KIF23: variants seen among roughly 807,000 people sequenced by gnomAD.
KIF23 encodes kinesin family member 23.
A neutral mutation model predicts 137.5 loss-of-function variants in KIF23; 30 were observed. The observed-to-expected ratio is 0.22, with a 90% confidence interval of 0.16 to 0.30. KIF23 has a LOEUF of 0.30. KIF23 is among the 10% of genes least tolerant of loss of function. The probability of loss-of-function intolerance (pLI) is 1.00; values close to 1 mark genes in which losing one functional copy is unlikely to be tolerated. For synonymous variants in KIF23, 367 were observed against 391.1 expected (o/e 0.94, Z 0.73); for missense variants, 920 against 1,194.3 (o/e 0.77, Z 3.38).
chr15:69,441,347 C>T (rs1269819802), intron 19 of KIF23, among the ~76,000 whole-genome samples: 2 of 152,194 alleles, frequency 1.3e-5, no homozygotes, highest in East Asian at 3.9e-4. Context: ...TTTTCAGCTG[C>T]ATACGCTAAT....
Position 69,423,338 on chromosome 15 carries a change from TAA to T in KIF23, c.734+11_734+12del. 6.5e-7 allele frequency: 1 copy of T among 1,528,562 alleles called. No homozygotes were observed. The highest frequency in any genetic ancestry group is 1.7e-4 in the Middle Eastern group (1 of 5,754). The allele number at this position is 1,528,562 out of a possible 1,614,324, so 94.7% of individuals were successfully genotyped here. A position where few individuals can be genotyped will look rare whatever the true frequency, so the allele number is the denominator to read the frequency against. ...GATCCCATAAAACCCAAGTAAGTAA[TAA>T]AGAGAGCCCCTTCTTAGCTGTTAAT... On this transcript the variant is annotated intron_variant, in intron 7 of 23. Transcript: ENST00000679126.
chr15:69,414,576 C>A (rs1375193132), intron 1 of KIF23, 100 bp downstream of exon 1: 1 of 1,273,150 alleles, frequency 7.9e-7, no homozygotes, highest in Middle Eastern at 2.9e-4. Flanking sequence ...CGTACGCGGG[C>A]AGCGCGGACA....
chr15:69,421,779 T>A, intron 4 of KIF23, 27 bp downstream of exon 4: 1 of 1,513,868 alleles, frequency 6.6e-7, no homozygotes, highest in Non-Finnish European at 9.1e-7. Context: ...GGAGTTTTGT[T>A]AGATTTTCCT....
chr15:69,422,422 A>T lies in KIF23; in HGVS notation c.550A>T (p.Thr184Ser), dbSNP rs1567060132. 5 of 1,587,592 alleles carry T rather than the reference A, an allele frequency of 3.1e-6. No individual in the cohort carries two copies. Among genetic ancestry groups the T allele is most frequent in the South Asian group, 2.2e-5 (2 of 90,538 alleles). The change falls in exon 6 of 24, where the codon ACT (threonine) becomes TCT (serine). Residue 184 changes from threonine to serine, a missense_variant. Thr to Ser is a moderately conservative substitution (Grantham distance 58, BLOSUM62 1). Around this residue, in one of 4 missense-constraint regions of KIF23, gnomAD observed 714 missense variants for 866.2 expected, o/e 0.82. Coordinates refer to ENST00000679126, the MANE Select transcript of KIF23 (RefSeq NM_001367805.3). ...QKREAMPNPK[T>S]SSSKRQVDPE... Reference sequence around the variant, plus strand: ...AAGAGAAGCTATGCCCAATCCAAAGACTTCTTCTAGCAAGTAAGTAATTAT... The same window carrying T: ...AAGAGAAGCTATGCCCAATCCAAAGTCTTCTTCTAGCAAGTAAGTAATTAT...
chr15:69,423,588 T>C (rs891327695), intron 7 of KIF23, among the ~76,000 whole-genome samples: 1 of 152,176 alleles, frequency 6.6e-6, no homozygotes, highest in Non-Finnish European at 1.5e-5. Flanking sequence ...GAGATTACTT[T>C]TGAAAACTCT....
intron 11 of KIF23, chr15:69,434,690 G>T: frequency 6.8e-7 from 1 of 1,469,598 alleles, no homozygotes; most frequent in Non-Finnish European, 9.4e-7. Flanking sequence ...CGTTGACCTT[G>T]AGCCAGAGCC....
chr15:69,420,519 A>C (rs2057027322), intron 3 of KIF23, among the ~76,000 whole-genome samples: 1 of 152,158 alleles, frequency 6.6e-6, no homozygotes. Context: ...GTATTTAGAG[A>C]GCCTTGATAA....
In KIF23 at chr15:69,436,692, C is replaced by T; in HGVS notation, c.1567C>T (p.Gln523Ter). 6.3e-7 allele frequency: 1 copy of T among 1,598,732 alleles called. No homozygotes were observed. Among genetic ancestry groups the T allele is most frequent in the South Asian group, 1.1e-5 (1 of 88,272 alleles). The change falls in exon 15 of 24, where the codon CAA becomes TAA. Residue 523 changes from glutamine (Q) to a stop codon, truncating the protein, a stop_gained. Coordinates refer to ENST00000679126, the MANE Select transcript of KIF23 (RefSeq NM_001367805.3). LOFTEE classifies it high-confidence loss of function. ...EALEKRHNLR[Q>*]MMIDEFNKQS... ...CTTAGAGAAACGACATAACTTACGA[C>T]AAATGATGATTGATGAGTTTAACAA...
intron 8 of KIF23, 138 bp downstream of exon 8, chr15:69,425,461 T>C: frequency 1.4e-6 from 1 of 705,220 alleles, no homozygotes; most frequent in Non-Finnish European, 2.4e-6. Flanking sequence ...CCTTGCTTCC[T>C]GAAAAATCTG....
At chr15:69,416,761 C>G (rs1022933819) in intron 2 of KIF23, among the ~76,000 whole-genome samples, 2 of 152,124 alleles carry the variant, frequency 1.3e-5, no homozygotes, top group Non-Finnish European at 2.9e-5. Context: ...TCGAGACCAG[C>G]CTGGCCAACA....
At position 69,427,389 on chromosome 15, in the gene KIF23, G is replaced by A. The variant is rs149621393; in HGVS notation, c.1011+932G>A. On this transcript the variant is annotated intron_variant, in intron 10 of 23. Coordinates refer to ENST00000679126, the MANE Select transcript of KIF23 (RefSeq NM_001367805.3). ...TTATAGTTTTGGGAAGCTGGATATC[G>A]AATCTTAGAGCCTGAATTTTGCTGT... The A allele has an allele frequency of 1.9e-4, 88 of 455,838 alleles. 1 individual carries two copies. The East Asian group carries it at 4.9e-3, about 25-fold the overall frequency. The allele number at this position is 455,838 out of a possible 1,614,324, so 28.2% of individuals were successfully genotyped here.
chr15:69,416,460 A>G (rs1350232615), intron 2 of KIF23, among the ~76,000 whole-genome samples: 1 of 152,220 alleles, frequency 6.6e-6, no homozygotes, highest in Non-Finnish European at 1.5e-5. Flanking sequence ...TAAATTATGA[A>G]GAAAAAATGA....
intron 14 of KIF23, 59 bp downstream of exon 14, chr15:69,436,320 T>A (rs1331508169): frequency 1.3e-6 from 2 of 1,545,092 alleles, no homozygotes; most frequent in East Asian, 2.3e-5. Context: ...CTCTCTTTTT[T>A]AAAAAAAATT....
At chr15:69,424,041 G>A (rs532265481) in intron 7 of KIF23, among the ~76,000 whole-genome samples, 1 of 152,214 alleles carries the variant, frequency 6.6e-6, no homozygotes, top group South Asian at 2.1e-4. Flanking sequence ...TAAATAATAC[G>A]AAGACCTGTG....
intron 10 of KIF23, among the ~76,000 whole-genome samples, chr15:69,428,660 CAAAAAAAAAA>C (rs59950355): frequency 6.8e-5 from 5 of 74,054 alleles, no homozygotes; most frequent in Admixed American, 4.4e-4. Flanking sequence ...CTCTGTCTCC[CAAAAAAAAAA>C]AAAAAAAAAA....
Position 69,436,243 on chromosome 15 carries a change from C to T in KIF23, c.1420C>T (p.Arg474Ter), listed in dbSNP as rs2057476098. The T allele has an allele frequency of 6.2e-7, 1 of 1,613,726 alleles. No individual in the cohort carries two copies. The highest frequency in any genetic ancestry group is 8.5e-7 in the Non-Finnish European group (1 of 1,179,954). Reference protein sequence around the residue: ...TPGRRYRNQPRGPVGNEPLVT... With the variant: ...TPGRRYRNQP ...TGGGAGGAGATACAGAAACCAGCCT[C>T]GAGGTCCAGTTGGAAATGGTATGAT... Residue 474 changes from arginine to a stop codon, truncating the protein, a stop_gained, in exon 14 of 24, where the codon CGA (arginine) becomes TGA (stop). Transcript: ENST00000679126. LOFTEE classifies it high-confidence loss of function.
In KIF23 at chr15:69,426,120, T is replaced by C. The variant is rs1294240830; in HGVS notation, c.827T>C (p.Val276Ala). ...LREDKNHNMY[V>A]AGCTEVEVKS... ...GAAGATAAGAACCATAACATGTATGTTGCAGGATGTACAGAAGTTGAAGTG... is the reference window on the plus strand; with the variant it reads ...GAAGATAAGAACCATAACATGTATGCTGCAGGATGTACAGAAGTTGAAGTG... The change falls in exon 9 of 24, where the codon GTT becomes GCT. Residue 276 changes from valine to alanine, a missense_variant. Val to Ala is a moderately conservative substitution (Grantham distance 64). Transcript: ENST00000679126. The C allele has an allele frequency of 1.9e-6, 3 of 1,608,378 alleles. No homozygotes were observed. Among genetic ancestry groups the C allele is most frequent in the South Asian group, 1.1e-5 (1 of 89,670 alleles).
rs527970846 is a variant in KIF23 at position 69,435,079 on chromosome 15, C to A, written c.1115-404C>A. ...CCACACAGACGATATTCTTCCCCCA[C>A]CCCCAGAAGCGGGACGGTGGCCTGG... On this transcript the variant is annotated intron_variant, in intron 11 of 23. Coordinates refer to ENST00000679126, the MANE Select transcript of KIF23 (RefSeq NM_001367805.3). 7 of 494,234 alleles carry A rather than the reference C, an allele frequency of 1.4e-5. No homozygotes were observed. In the South Asian group the frequency reaches 2.6e-4, roughly 18 times the overall value. The allele number at this position is 494,234 out of a possible 1,614,324, so 30.6% of individuals were successfully genotyped here. A position where few individuals can be genotyped will look rare whatever the true frequency, so the allele number is the denominator to read the frequency against.
chr15:69,426,976 A>C (rs966729027), intron 10 of KIF23, among the ~76,000 whole-genome samples: 1 of 152,146 alleles, frequency 6.6e-6, no homozygotes, highest in Non-Finnish European at 1.5e-5. Flanking sequence ...TACTCTAAAT[A>C]TGATTTAAAA....
Sources: gnomAD v4.1 joint callset for allele counts (sites outside exome capture counted in the v4.1 genomes callset) on GRCh38, gnomAD v4.1.1 for gene constraint, gnomAD v4.1.1 regional missense constraint, MANE v1.5 for transcripts, NCBI Gene and HGNC (gene_info 2026-07-23, HGNC 2026-07-21) for gene names.